EPHA2: variants seen among roughly 807,000 people sequenced by gnomAD.
EPHA2 encodes ephrin type-A receptor 2.
EPHA2 carries 54 observed loss-of-function variants against 104.9 expected under a neutral mutation model. The observed-to-expected ratio is 0.51, with a 90% CI of 0.41 to 0.65. The LOEUF (loss-of-function observed/expected upper bound fraction) is 0.65. EPHA2 is among the 30% of genes least tolerant of loss of function. The pLI is 0.00. For synonymous variants in EPHA2, 560 were observed against 559.1 expected, an observed-to-expected ratio of 1.00 and a Z score of -0.02; for missense variants, 1,117 against 1,369.5, an observed-to-expected ratio of 0.82 and a Z score of 2.91.
chr1:16,154,254 C>T (rs1355272056), intron 1 of EPHA2, among the ~76,000 whole-genome samples: 5 of 152,078 alleles, frequency 3.3e-5, no homozygotes, highest in South Asian at 4.1e-4. Flanking sequence ...GTTGGTGGGG[C>T]GGATATTGAG....
rs2124264301 is a variant in EPHA2, at chr1:16,148,965, T to C, written c.236A>G (p.Asn79Ser). ...GTACACCCAGTTGGTGCGGAGCCAG[T>C]TGTCCTGGTCGCCAGACATCACGTT... The part of the protein sequence containing the change: ...VCNVMSGDQD[N>S]WLRTNWVYRG... Residue 79 changes from asparagine to serine, a missense_variant, in exon 3 of 17, where the codon AAC becomes AGC. Physicochemically the swap from Asn to Ser is conservative, Grantham distance 46. Around this residue, in one of 3 missense-constraint regions of EPHA2, gnomAD observed 664 missense variants for 784.8 expected, o/e 0.85. Transcript: ENST00000358432. The surrounding 1 kb of genome is among the most constrained non-coding windows in gnomAD (Gnocchi z 4.9). 6 of 1,614,120 alleles carry C rather than the reference T, an allele frequency of 3.7e-6. No homozygotes were observed. The South Asian group carries it at 6.6e-5, about 18-fold the overall frequency.
chr1:16,140,463 G>A (rs1218936959), intron 3 of EPHA2, among the ~76,000 whole-genome samples: 1 of 152,172 alleles, frequency 6.6e-6, no homozygotes, highest in Non-Finnish European at 1.5e-5. Context: ...CAATAGACCT[G>A]CTATATACAG....
At chr1:16,143,733 G>A (rs1032918396) in intron 3 of EPHA2, among the ~76,000 whole-genome samples, 1 of 152,146 alleles carries the variant, frequency 6.6e-6, no homozygotes, top group African/African-American at 2.4e-5. Flanking sequence ...GCCAGTCACC[G>A]CCCAAGCCAG....
chr1:16,133,877 A>T lies in EPHA2; in HGVS notation c.1721T>A (p.Val574Asp). The T allele has an allele frequency of 6.5e-7, 1 of 1,550,230 alleles. No individual in the cohort carries two copies. Among genetic ancestry groups the T allele is most frequent in the Non-Finnish European group, 8.7e-7 (1 of 1,146,172 alleles). The change falls in exon 9 of 17, where the codon GTT becomes GAT. Residue 574 changes from valine (V) to aspartate (D), a missense_variant. Coordinates refer to ENST00000358432, the MANE Select transcript of EPHA2 (RefSeq NM_004431.5). ...CGTCTCACCTGACTTGGAGAAGTAAACGTCCTCCGGGGACTGGCGGGCACG... is the reference window on the plus strand; with the variant it reads ...CGTCTCACCTGACTTGGAGAAGTAATCGTCCTCCGGGGACTGGCGGGCACG... Reference protein sequence around the residue: ...NQRARQSPEDVYFSKSEQLKP... With the variant: ...NQRARQSPEDDYFSKSEQLKP...
In EPHA2 at chr1:16,128,688, G is replaced by A. The variant is rs576155696; in HGVS notation, c.2825+746C>T. Among the ~76,000 whole-genome samples, 5 of 152,286 alleles carry A rather than the reference G, an allele frequency of 3.3e-5. No homozygotes were observed. In the South Asian group the frequency reaches 6.2e-4, roughly 19 times the overall value. On this transcript the variant is annotated intron_variant, in intron 16 of 16. Transcript: ENST00000358432. The surrounding 1 kb of genome is among the most constrained non-coding windows in gnomAD (Gnocchi z 4.7). ...GAGGTGTCTGTGCCAAGGCCATGCC[G>A]GGAAAAGTCTCAATGCTGGAGTTGG...
intron 3 of EPHA2, among the ~76,000 whole-genome samples, chr1:16,140,063 T>C (rs2024793476): frequency 6.6e-6 from 1 of 152,166 alleles, no homozygotes. Context: ...TCCAGTCCCC[T>C]GTGTGAGCAG....
intron 16 of EPHA2, among the ~76,000 whole-genome samples, chr1:16,127,147 G>A (rs755203564): frequency 1.3e-5 from 2 of 152,074 alleles, no homozygotes; most frequent in African/African-American, 2.4e-5. Flanking sequence ...GCAGGGAGAC[G>A]GGAGTAAGAA....
rs964953303 is a variant in EPHA2 at position 16,136,192 on chromosome 1, C to T, written c.1313-422G>A. Among the ~76,000 whole-genome samples, 6 of 151,986 alleles carry T rather than the reference C, an allele frequency of 3.9e-5. No homozygotes were observed. The South Asian group carries it at 1.0e-3, about 26-fold the overall frequency. ...GCTCCCAGGCTCTTTAGATCCCAACCTAGGATCCTAAACTTTCAGCTCCAG... is the reference window on the plus strand; with the variant it reads ...GCTCCCAGGCTCTTTAGATCCCAACTTAGGATCCTAAACTTTCAGCTCCAG... On this transcript the variant is annotated intron_variant, in intron 5 of 16. Transcript: ENST00000358432.
intron 16 of EPHA2, among the ~76,000 whole-genome samples, chr1:16,127,768 G>A (rs1417264258): frequency 6.6e-6 from 1 of 152,184 alleles, no homozygotes; most frequent in Non-Finnish European, 1.5e-5. Flanking sequence ...GGGGGGCGCC[G>A]AATGACTTCC....
At chr1:16,151,496 A>G (rs1015480931) in intron 1 of EPHA2, among the ~76,000 whole-genome samples, 3 of 152,050 alleles carry the variant, frequency 2.0e-5, no homozygotes, top group African/African-American at 7.3e-5. Context: ...ATGCACCTAT[A>G]TGTACACGTG....
At chr1:16,132,466 G>A (rs753762655) in intron 11 of EPHA2, 27 bp from the exon 12 acceptor site, 2 of 1,612,974 alleles carry the variant, frequency 1.2e-6, no homozygotes, top group Admixed American at 3.3e-5. Context: ...ACAGGTGAGA[G>A]GTAAGTGGGC....
intron 1 of EPHA2, chr1:16,155,077 C>T (rs1217958828): frequency 6.6e-6 from 1 of 152,106 alleles, no homozygotes; most frequent in Non-Finnish European, 1.5e-5. Context: ...GATTCAGTCC[C>T]CCACCCCCGG....
intron 11 of EPHA2, 190 bp downstream of exon 11, chr1:16,132,990 G>C (rs113698732): frequency 5.8e-6 from 4 of 693,120 alleles, no homozygotes; most frequent in Admixed American, 4.5e-5. Flanking sequence ...TGCAGGTATG[G>C]GGGGAAGGTG....
intron 11 of EPHA2, 110 bp downstream of exon 11, chr1:16,133,070 A>T: frequency 7.0e-7 from 1 of 1,435,474 alleles, no homozygotes; most frequent in Non-Finnish European, 9.5e-7. Context: ...AGGTGGGTGC[A>T]GGTGTGGGGG....
chr1:16,129,548 AC>A lies in EPHA2; in HGVS notation c.2710del (p.Val904CysfsTer36), dbSNP rs752872751. On this transcript the variant is annotated frameshift_variant, in exon 16 of 17. Transcript: ENST00000358432. LOFTEE classifies it high-confidence loss of function. Reference protein sequence around the residue: ...RLPSTSGSEGVPFRTVSEWLE... With the variant: ...RLPSTSGSEGXPFRTVSEWLE... ...CCACTCGGACACCGTGCGGAAGGGC[AC>A]CCCCTCCGAGCCGCTCGTGCTGGGG... 2 of 1,606,558 alleles carry A rather than the reference AC, an allele frequency of 1.2e-6. No homozygotes were observed. The highest frequency in any genetic ancestry group is 2.2e-5 in the South Asian group (2 of 90,656).
chr1:16,131,855 T>C lies in EPHA2; in HGVS notation c.2341A>G (p.Ile781Val), dbSNP rs1252672765. The C allele has an allele frequency of 1.2e-6, 2 of 1,613,754 alleles. No homozygotes were observed. Among genetic ancestry groups the C allele is most frequent in the Non-Finnish European group, 1.7e-6 (2 of 1,179,968 alleles). The change falls in exon 14 of 17, where the codon ATC (isoleucine) becomes GTC (valine). Residue 781 changes from isoleucine (I) to valine (V), a missense_variant. By Grantham distance (29) the Ile-to-Val change is conservative (BLOSUM62 3). Around this residue, in one of 3 missense-constraint regions of EPHA2, gnomAD observed 340 missense variants for 480.5 expected, o/e 0.71. Transcript: ENST00000358432. The surrounding 1 kb of genome is among the most constrained non-coding windows in gnomAD (Gnocchi z 5.2). The stretch of plus-strand genomic sequence containing the variant: ...ATGGCCTCCGGGGCGGTCCAGCGGA[T>C]GGGGATCTTGCCGCCCTGCAGGGAA... The part of the protein sequence containing the change: ...TYTTSGGKIP[I>V]RWTAPEAISY...
Position 16,148,499 on chromosome 1 carries a change from G to A in EPHA2, c.702C>T (p.Ala234=), listed in dbSNP as rs145881684. The change falls in exon 3 of 17, where the codon GCC becomes GCT. Residue 234 remains alanine (A), a synonymous_variant. Coordinates refer to ENST00000358432, the MANE Select transcript of EPHA2 (RefSeq NM_004431.5). The surrounding 1 kb of genome is among the most constrained non-coding windows in gnomAD (Gnocchi z 4.9). ...GCTCTTCACCCCCCGGTGGCACCAC[G>A]GCATGGTCCACACAGGTGCCGGCCA... The part of the protein sequence containing the change: ...ATVAGTCVDH[A]VVPPGGEEPR... 35 of 1,613,660 alleles carry A rather than the reference G, an allele frequency of 2.2e-5. No individual in the cohort carries two copies. Among genetic ancestry groups the A allele is most frequent in the Middle Eastern group, 1.6e-4 (1 of 6,084 alleles).
chr1:16,133,821 G>C, intron 9 of EPHA2, 39 bp downstream of exon 9: 1 of 1,527,170 alleles, frequency 6.5e-7, no homozygotes, highest in Non-Finnish European at 8.8e-7. Context: ...TGGGGACGGT[G>C]CGGGCAGGGC....
chr1:16,143,341 A>G (rs1179732690), intron 3 of EPHA2, among the ~76,000 whole-genome samples: 1 of 151,950 alleles, frequency 6.6e-6, no homozygotes, highest in African/African-American at 2.4e-5. Flanking sequence ...GGGCCAGAGA[A>G]ATGAGCAGTG....
Sources: allele counts gnomAD v4.1 joint callset (sites outside exome capture counted in the v4.1 genomes callset), GRCh38; gene constraint gnomAD v4.1.1; regional missense constraint gnomAD v4.1.1; non-coding constraint Gnocchi (gnomAD v3.1); transcripts MANE v1.5; gene names NCBI Gene and HGNC (gene_info 2026-07-23, HGNC 2026-07-21).